The following TXNRD2 variants were observed in gnomAD, a reference collection of about 807,000 sequenced individuals.
The protein encoded by TXNRD2 is thioredoxin reductase 2, mitochondrial.
In TXNRD2, 67 loss-of-function variants were observed where a neutral mutation model predicts 70.8. The observed-to-expected ratio is 0.95, with a 90% CI of 0.78 to 1.16. TXNRD2 has a LOEUF of 1.16. Among genes scored for constraint, TXNRD2 ranks in the 50% most tolerant of loss-of-function variants. The pLI is 0.00. For synonymous variants in TXNRD2, 301 were observed against 295.8 expected (o/e 1.02, Z -0.18); for missense variants, 644 against 719.9 (o/e 0.89, Z 1.21).
rs763888077 is a variant in TXNRD2 at position 19,911,444 on chromosome 22, C to T, written c.595G>A (p.Glu199Lys). ...GTGATTCCATATTCCAAGGCACCTT[C>T]GATCTGTCAAGACAGAAATGACCCC... ...GGRPRYPTHI[E>K]GALEYGITSD... Residue 199 changes from glutamate (E) to lysine (K), a missense_variant, in exon 8 of 18, where the codon GAA becomes AAA. Around this residue, in one of 3 missense-constraint regions of TXNRD2, gnomAD observed 566 missense variants for 645.0 expected, o/e 0.88. Coordinates refer to ENST00000400521, the MANE Select transcript of TXNRD2 (RefSeq NM_006440.5). 2.7e-5 allele frequency: 44 copies of T among 1,613,396 alleles called. No homozygotes were observed. The Middle Eastern group carries it at 8.4e-4, about 31-fold the overall frequency.
Position 19,931,005 on chromosome 22 carries a change from G to T in TXNRD2, c.172+25C>A, listed in dbSNP as rs777113077. On this transcript the variant is annotated intron_variant, in intron 2 of 17. Coordinates refer to ENST00000400521, the MANE Select transcript of TXNRD2 (RefSeq NM_006440.5). ...GGGGCCCTAAAAGCTTCGAGGCCTT[G>T]CCACGAAGTATACAGAATACATACC... 8.1e-6 allele frequency: 13 copies of T among 1,611,888 alleles called. No individual in the cohort carries two copies. In the South Asian group the frequency reaches 1.1e-4, roughly 14 times the overall value.
At chr22:19,902,495 G>A (rs1026739586) in intron 8 of TXNRD2, among the ~76,000 whole-genome samples, 4 of 152,180 alleles carry the variant, frequency 2.6e-5, no homozygotes, top group Non-Finnish European at 4.4e-5. Context: ...GCCCCTTGGA[G>A]GTCCTGCCAG....
At chr22:19,900,876 C>G (rs551474186) in intron 8 of TXNRD2, among the ~76,000 whole-genome samples, 2 of 152,242 alleles carry the variant, frequency 1.3e-5, no homozygotes, top group Non-Finnish European at 2.9e-5. Context: ...TGCCCTTTGC[C>G]CCCTGCTCCC....
chr22:19,880,979 C>T (rs1023312394), intron 12 of TXNRD2: 22 of 583,368 alleles, frequency 3.8e-5, no homozygotes, highest in African/African-American at 1.1e-4. Context: ...TGAGGCTGGC[C>T]GTGCCACCCT....
Position 19,895,184 on chromosome 22 carries a change from C to T in TXNRD2, c.949+223G>A, listed in dbSNP as rs769617627. The T allele has an allele frequency of 3.3e-5, 53 of 1,598,190 alleles. No individual in the cohort carries two copies. Among genetic ancestry groups the T allele is most frequent in the Middle Eastern group, 1.6e-4 (1 of 6,080 alleles). The stretch of plus-strand genomic sequence containing the variant: ...CATGTCCCACGGTGGTGGGGAGACA[C>T]GCAGAGATGCAAGGTGCTGGGGATG... On this transcript the variant is annotated intron_variant, in intron 11 of 17. Transcript: ENST00000400521.
intron 12 of TXNRD2, chr22:19,880,957 GTCCGCTGCTGATGAGGC>G: frequency 1.7e-6 from 1 of 590,504 alleles, no homozygotes; most frequent in Non-Finnish European, 3.0e-6. Context: ...TGGGAAAGGA[GTCCGCTGCTGATGAGGC>G]TGGCCGTGCC....
intron 7 of TXNRD2, 124 bp downstream of exon 7, chr22:19,915,090 G>A: frequency 4.5e-6 from 4 of 883,916 alleles, no homozygotes; most frequent in Middle Eastern, 4.3e-4. Context: ...AGTGATGATA[G>A]TGAGTATAGG....
chr22:19,904,887 C>T (rs902632517), intron 8 of TXNRD2, among the ~76,000 whole-genome samples: 15 of 152,196 alleles, frequency 9.9e-5, no homozygotes, highest in African/African-American at 3.4e-4. Flanking sequence ...GGGAGCAGCC[C>T]CGGGGTCCAT....
intron 2 of TXNRD2, among the ~76,000 whole-genome samples, chr22:19,924,437 G>C (rs1193088538): frequency 6.6e-6 from 1 of 152,088 alleles, no homozygotes; most frequent in Non-Finnish European, 1.5e-5. Context: ...AAGCAGAAGG[G>C]GTGACGGTTT....
At chr22:19,914,933 G>A (rs1480509053) in intron 7 of TXNRD2, 1 of 466,556 alleles carries the variant, frequency 2.1e-6, no homozygotes, top group East Asian at 4.1e-5. Context: ...TGGAGACTTA[G>A]GAAGCAGGAT....
At position 19,881,273 on chromosome 22, in the gene TXNRD2, C is replaced by A. The variant is rs553237007; in HGVS notation, c.1087-556G>T. ...AGCACCGTCCTCTGGGATGGGCTGC[C>A]AATCACCATGGCAGCAGGAAATGCA... On this transcript the variant is annotated intron_variant, in intron 12 of 17. Coordinates refer to ENST00000400521, the MANE Select transcript of TXNRD2 (RefSeq NM_006440.5). 371 of 395,850 alleles carry A rather than the reference C, an allele frequency of 9.4e-4. 3 individuals carry two copies. The highest frequency in any genetic ancestry group is 7.3e-3 in the African/African-American group (357 of 48,692). 24.5% of individuals were successfully genotyped at this position (395,850 alleles called of 1,614,324 possible).
chr22:19,912,516 G>A (rs549944583), intron 7 of TXNRD2, among the ~76,000 whole-genome samples: 3 of 152,374 alleles, frequency 2.0e-5, no homozygotes, highest in Admixed American at 6.5e-5. Context: ...TCCCTGGTGC[G>A]GATGCACGTG....
chr22:19,908,866 C>T (rs954871989), intron 8 of TXNRD2, among the ~76,000 whole-genome samples: 7 of 152,222 alleles, frequency 4.6e-5, no homozygotes, highest in South Asian at 4.1e-4. Context: ...GATGGTTTCA[C>T]GACATTATTA....
rs1226199163 is a variant in TXNRD2 at position 19,886,051 on chromosome 22, G to T, written c.950-2590C>A. On this transcript the variant is annotated intron_variant, in intron 11 of 17. Coordinates refer to ENST00000400521, the MANE Select transcript of TXNRD2 (RefSeq NM_006440.5). Reference sequence around the variant, plus strand: ...GCATGACAGCTGGACAGGCTGGATGGCCAGGGGAGAGTGGGCTGCGCGGCA... The same window carrying T: ...GCATGACAGCTGGACAGGCTGGATGTCCAGGGGAGAGTGGGCTGCGCGGCA... 2.0e-5 allele frequency among the ~76,000 whole-genome samples: 3 copies of T among 152,252 alleles called. No homozygotes were observed. In the East Asian group the frequency reaches 5.8e-4, roughly 29 times the overall value.
intron 1 of TXNRD2, among the ~76,000 whole-genome samples, chr22:19,939,594 G>A (rs1854463867): frequency 6.6e-6 from 1 of 151,114 alleles, no homozygotes; most frequent in African/African-American, 2.5e-5. Flanking sequence ...GATAGTGTGT[G>A]GATGCCTGGA....
chr22:19,908,207 G>A (rs926938668), intron 8 of TXNRD2, among the ~76,000 whole-genome samples: 6 of 152,094 alleles, frequency 3.9e-5, no homozygotes, highest in Middle Eastern at 3.2e-3. Flanking sequence ...TGGGCGCCAT[G>A]GGTAGCAGTG....
intron 12 of TXNRD2, chr22:19,881,015 C>T: frequency 3.5e-6 from 2 of 563,408 alleles, no homozygotes; most frequent in Non-Finnish European, 6.3e-6. Flanking sequence ...TCTCTCCAAA[C>T]CCCTTCTGCA....
chr22:19,901,250 C>T (rs941161928), intron 8 of TXNRD2, among the ~76,000 whole-genome samples: 1 of 152,206 alleles, frequency 6.6e-6, no homozygotes, highest in Non-Finnish European at 1.5e-5. Context: ...CCCCCAGTGC[C>T]CGGGCCTCCT....
chr22:19,931,010 G>A lies in TXNRD2; in HGVS notation c.172+20C>T, dbSNP rs760016716. 8.1e-6 allele frequency: 13 copies of A among 1,612,796 alleles called. No homozygotes were observed. Among genetic ancestry groups the A allele is most frequent in the South Asian group, 5.5e-5 (5 of 91,058 alleles). On this transcript the variant is annotated intron_variant, in intron 2 of 17. Coordinates refer to ENST00000400521, the MANE Select transcript of TXNRD2 (RefSeq NM_006440.5). ...CCTAAAAGCTTCGAGGCCTTGCCAC[G>A]AAGTATACAGAATACATACCCTCCT...
Sources: allele counts gnomAD v4.1 joint callset (sites outside exome capture counted in the v4.1 genomes callset), GRCh38; gene constraint gnomAD v4.1.1; regional missense constraint gnomAD v4.1.1; transcripts MANE v1.5; gene names NCBI Gene and HGNC (gene_info 2026-07-23, HGNC 2026-07-21).